EFR3B: variants seen among roughly 807,000 people sequenced by gnomAD.
EFR3B encodes protein EFR3 homolog B.
In EFR3B, 64 loss-of-function variants were observed where a neutral mutation model predicts 104.7. The ratio of observed to expected loss-of-function variants is 0.61; its 90% CI spans 0.50 to 0.75. The LOEUF is 0.75. Among genes scored for constraint, EFR3B ranks in the 30% least tolerant of loss-of-function variants. The pLI is 0.00. For missense variants in EFR3B, 750 were observed against 1,078.5 expected, an observed-to-expected ratio of 0.70 and a Z score of 4.27; for synonymous variants, 385 against 417.9, an observed-to-expected ratio of 0.92 and a Z score of 0.96.
Position 25,103,751 on chromosome 2 carries a change from A to T in EFR3B, c.327A>T (p.Ser109=). ...AGATGGTGGCCAAGCTGCTGGAGTC[A>T]GAGAAACCCAACCTGCAGATCCTCG... ...FLKMVAKLLE[S]EKPNLQILGT... Residue 109 remains serine, a synonymous_variant, in exon 4 of 23, where the codon TCA becomes TCT. Coordinates refer to ENST00000403714, the MANE Select transcript of EFR3B (RefSeq NM_014971.2). 2.6e-6 allele frequency: 4 copies of T among 1,551,730 alleles called. No individual in the cohort carries two copies. In the South Asian group the frequency reaches 4.8e-5, roughly 18 times the overall value.
chr2:25,152,155 C>T, intron 21 of EFR3B, 135 bp downstream of exon 21: 8 of 851,080 alleles, frequency 9.4e-6, no homozygotes, highest in Middle Eastern at 5.3e-4. Context: ...TGCCAGACAT[C>T]AGGGCTTGTA....
intron 6 of EFR3B, 114 bp downstream of exon 6, chr2:25,128,446 G>A: frequency 1.5e-6 from 2 of 1,358,924 alleles, no homozygotes; most frequent in South Asian, 2.8e-5. Flanking sequence ...CCAGGGACAT[G>A]GCTTTGTGGC....
chr2:25,086,231 T>C (rs1364913598), intron 1 of EFR3B, among the ~76,000 whole-genome samples: 2 of 152,220 alleles, frequency 1.3e-5, no homozygotes, highest in Admixed American at 6.5e-5. Context: ...AACATCCACG[T>C]GCAGGTTTTT....
intron 4 of EFR3B, among the ~76,000 whole-genome samples, chr2:25,104,669 C>T (rs1351848451): frequency 6.6e-6 from 1 of 152,328 alleles, no homozygotes; most frequent in East Asian, 1.9e-4. Context: ...AGTGATGTCC[C>T]CAGGACAAAG....
chr2:25,103,357 A>C (rs1669474829), intron 3 of EFR3B, among the ~76,000 whole-genome samples: 3 of 152,186 alleles, frequency 2.0e-5, no homozygotes, highest in Admixed American at 2.0e-4. Context: ...TTGACTCATG[A>C]AATGCTCTAT....
At chr2:25,102,107 T>C (rs1669444990) in intron 3 of EFR3B, among the ~76,000 whole-genome samples, 1 of 152,194 alleles carries the variant, frequency 6.6e-6, no homozygotes, top group Non-Finnish European at 1.5e-5. Flanking sequence ...ATGAGAAGCA[T>C]TGAAGAAGAC....
At chr2:25,087,165 A>T (rs112454139) in intron 1 of EFR3B, among the ~76,000 whole-genome samples, 11,291 of 151,978 alleles carry the variant, frequency 0.074, 567 homozygotes, top group Non-Finnish European at 0.1. Flanking sequence ...TCTCGTGAGA[A>T]CTCACCCACT....
intron 1 of EFR3B, among the ~76,000 whole-genome samples, chr2:25,067,509 A>G (rs1388833542): frequency 6.7e-6 from 1 of 150,150 alleles, no homozygotes; most frequent in Non-Finnish European, 1.5e-5. Flanking sequence ...ATCTCGGCTC[A>G]CTGCAACCTC....
At chr2:25,110,746 T>C (rs1235878425) in intron 4 of EFR3B, among the ~76,000 whole-genome samples, 1 of 152,240 alleles carries the variant, frequency 6.6e-6, no homozygotes, top group Non-Finnish European at 1.5e-5. Flanking sequence ...TTAGCTTGCC[T>C]GACAGAATCA....
chr2:25,087,829 G>A (rs1333228340), intron 1 of EFR3B, among the ~76,000 whole-genome samples: 1 of 150,944 alleles, frequency 6.6e-6, no homozygotes, highest in Non-Finnish European at 1.5e-5. Flanking sequence ...TTTCTGTCGT[G>A]GATTGTGCCC....
intron 1 of EFR3B, among the ~76,000 whole-genome samples, chr2:25,049,424 A>G (rs932576579): frequency 2.0e-5 from 3 of 152,234 alleles, no homozygotes; most frequent in African/African-American, 7.2e-5. Context: ...TACAGAGGCC[A>G]TCATGAGGGA....
chr2:25,132,434 C>G lies in EFR3B; in HGVS notation c.1148-469C>G, dbSNP rs532001687. 6.6e-5 allele frequency among the ~76,000 whole-genome samples: 10 copies of G among 152,274 alleles called. No individual in the cohort carries two copies. In the South Asian group the frequency reaches 1.9e-3, roughly 28 times the overall value. ...TGGGAGCGGAGATTAGATAAAGCCT[C>G]TTTCACAGCCTGCCTGCCCTAGCCA... On this transcript the variant is annotated intron_variant, in intron 10 of 22. Coordinates refer to ENST00000403714, the MANE Select transcript of EFR3B (RefSeq NM_014971.2).
intron 1 of EFR3B, among the ~76,000 whole-genome samples, chr2:25,060,957 C>T (rs1240739756): frequency 7.3e-6 from 1 of 136,934 alleles, no homozygotes; most frequent in African/African-American, 2.7e-5. Flanking sequence ...ACAACAAAAA[C>T]CAAAAAACTA....
chr2:25,097,827 G>A (rs1013439837), intron 3 of EFR3B, among the ~76,000 whole-genome samples: 4 of 152,116 alleles, frequency 2.6e-5, no homozygotes, highest in Admixed American at 1.3e-4. Flanking sequence ...AGCAGTGCTG[G>A]GTAAGACTCG....
intron 3 of EFR3B, among the ~76,000 whole-genome samples, chr2:25,097,589 T>C (rs975243625): frequency 2.6e-5 from 4 of 152,090 alleles, no homozygotes; most frequent in African/African-American, 7.2e-5. Flanking sequence ...CTCTGGCTCA[T>C]AGGTGTTTAG....
At chr2:25,113,485 G>A (rs1444973639) in intron 4 of EFR3B, among the ~76,000 whole-genome samples, 2 of 151,916 alleles carry the variant, frequency 1.3e-5, no homozygotes, top group African/African-American at 2.4e-5. Context: ...TGGCTAACAC[G>A]GTGAAACCCC....
At chr2:25,107,622 C>A (rs1182869361) in intron 4 of EFR3B, among the ~76,000 whole-genome samples, 3 of 151,970 alleles carry the variant, frequency 2.0e-5, no homozygotes, top group Non-Finnish European at 4.4e-5. Context: ...TTCTTTTATT[C>A]TTTCTTTCTT....
chr2:25,118,156 T>A (rs1669914470), intron 4 of EFR3B, among the ~76,000 whole-genome samples: 1 of 152,030 alleles, frequency 6.6e-6, no homozygotes, highest in South Asian at 2.1e-4. Context: ...ATTTTTTGTA[T>A]TTTTAGTAGA....
In EFR3B at chr2:25,121,832, C is replaced by A. The variant is rs780684875; in HGVS notation, c.485+38C>A. The A allele has an allele frequency of 1.5e-5, 24 of 1,551,370 alleles. No individual in the cohort carries two copies. In the South Asian group the frequency reaches 2.9e-4, roughly 18 times the overall value. On this transcript the variant is annotated intron_variant, in intron 5 of 22. Coordinates refer to ENST00000403714, the MANE Select transcript of EFR3B (RefSeq NM_014971.2). The stretch of plus-strand genomic sequence containing the variant: ...AGGCAAGGGTAGTTGGTTCAGCTTA[C>A]AGCAGAAGCAACGGTGGGTCCTGTA...
Sources: gnomAD v4.1 joint callset for allele counts (sites outside exome capture counted in the v4.1 genomes callset) on GRCh38, gnomAD v4.1.1 for gene constraint, MANE v1.5 for transcripts, NCBI Gene and HGNC (gene_info 2026-07-23, HGNC 2026-07-21) for gene names.